The following ATAD2 variants were observed in gnomAD, a reference collection of about 807,000 sequenced individuals.
ATAD2 encodes ATPase family AAA domain-containing protein 2.
Under a neutral mutation model 168.9 loss-of-function variants are expected in ATAD2, and 62 were observed. That is an observed-to-expected ratio of 0.37 (90% CI 0.30 to 0.45). ATAD2 has a LOEUF of 0.45. Ranked by LOEUF, ATAD2 falls within the 20% of genes least tolerant of loss-of-function variation. ATAD2 has a pLI of 1.00. For synonymous variants in ATAD2, 613 were observed against 571.6 expected, an observed-to-expected ratio of 1.07 and a Z score of -1.03; for missense variants, 1,419 against 1,667.8, an observed-to-expected ratio of 0.85 and a Z score of 2.60.
intron 5 of ATAD2, 47 bp from the exon 6 acceptor site, chr8:123,371,037 T>C (rs1829135895): frequency 7.1e-7 from 1 of 1,399,952 alleles, no homozygotes. Flanking sequence ...ATCTATTTAT[T>C]AAAAAAATTA....
chr8:123,356,966 C>T (rs994645081), intron 12 of ATAD2, among the ~76,000 whole-genome samples: 8 of 151,882 alleles, frequency 5.3e-5, no homozygotes, highest in African/African-American at 1.5e-4. Context: ...TTCCTGGACA[C>T]GCAAAAATAT....
chr8:123,373,049 C>T (rs908697075), intron 2 of ATAD2, among the ~76,000 whole-genome samples: 6 of 151,980 alleles, frequency 3.9e-5, no homozygotes, highest in African/African-American at 1.4e-4. Context: ...CCTGTCATCT[C>T]GCCCGGCTAA....
At chr8:123,391,482 T>A (rs1233623312) in intron 1 of ATAD2, among the ~76,000 whole-genome samples, 2 of 118,174 alleles carry the variant, frequency 1.7e-5, no homozygotes, top group Non-Finnish European at 3.3e-5. Flanking sequence ...AATGAGAAGT[T>A]TTGAAAAAAA....
chr8:123,345,144 A>G, intron 18 of ATAD2, 75 bp from the exon 19 acceptor site: 1 of 1,355,746 alleles, frequency 7.4e-7, no homozygotes, highest in Non-Finnish European at 1.0e-6. Flanking sequence ...GTCTGAAACA[A>G]TGTTTAACCT....
chr8:123,356,070 G>A (rs1828633070), intron 13 of ATAD2: 1 of 157,632 alleles, frequency 6.3e-6, no homozygotes, highest in African/African-American at 2.4e-5. Context: ...GGGATTATTA[G>A]GTTTGCACCA....
At chr8:123,413,616 C>A (rs1016245279) in intron 1 of ATAD2, among the ~76,000 whole-genome samples, 3 of 152,172 alleles carry the variant, frequency 2.0e-5, no homozygotes, top group Non-Finnish European at 4.4e-5. Context: ...ACTATTTATA[C>A]TATTCTACCT....
chr8:123,411,394 G>C (rs537893932), intron 1 of ATAD2, among the ~76,000 whole-genome samples: 1 of 152,012 alleles, frequency 6.6e-6, no homozygotes, highest in Non-Finnish European at 1.5e-5. Context: ...AGCAGTCGTC[G>C]GCGAACCTCC....
At chr8:123,337,402 G>C (rs1171878625) in intron 21 of ATAD2, among the ~76,000 whole-genome samples, 1 of 152,098 alleles carries the variant, frequency 6.6e-6, no homozygotes, top group Non-Finnish European at 1.5e-5. Flanking sequence ...ATTACTTCTG[G>C]AATGTTTAGG....
chr8:123,412,750 G>A (rs953980333), intron 1 of ATAD2, among the ~76,000 whole-genome samples: 3 of 152,052 alleles, frequency 2.0e-5, no homozygotes, highest in Admixed American at 6.6e-5. Context: ...TGTTTATTAC[G>A]TAGGGTACTG....
In ATAD2 at chr8:123,348,223, T is replaced by A; in HGVS notation, c.1857A>T (p.Pro619=). Reference sequence around the variant, plus strand: ...CTAGCTCTTCTAAAAATGTGTCCAGTGGTTTGGGATTCCAATCCCTGGTGT... The same window carrying A: ...CTAGCTCTTCTAAAAATGTGTCCAGAGGTTTGGGATTCCAATCCCTGGTGT... The part of the protein sequence containing the change: ...KIHTRDWNPK[P]LDTFLEELAE... The change falls in exon 15 of 28, where the codon CCA becomes CCT. Residue 619 remains proline (P), a synonymous_variant. Transcript: ENST00000287394. The A allele has an allele frequency of 6.2e-7, 1 of 1,602,834 alleles. No individual in the cohort carries two copies. Among genetic ancestry groups the A allele is most frequent in the Non-Finnish European group, 8.5e-7 (1 of 1,177,138 alleles).
intron 22 of ATAD2, among the ~76,000 whole-genome samples, chr8:123,335,435 C>G (rs1282041264): frequency 3.9e-5 from 6 of 152,122 alleles, no homozygotes; most frequent in Admixed American, 3.9e-4. Flanking sequence ...GTTTCCTATA[C>G]TAATCAATCT....
rs1171265903 is a variant in ATAD2, at chr8:123,361,642, T to C, written c.1054A>G (p.Arg352Gly). The part of the protein sequence containing the change: ...SPYCKRMNRR[R>G]HAIHSSDSTS... ...GAGTCACTACTGTGGATTGCATGCC[T>C]TCGCCTAAAGTAAAAAACAAAATTG... The change falls in exon 9 of 28, where the codon AGG (arginine) becomes GGG (glycine). Residue 352 changes from arginine to glycine, a missense_variant. Arg to Gly is a moderately radical substitution (Grantham distance 125). Around this residue, in one of 5 missense-constraint regions of ATAD2, gnomAD observed 146 missense variants for 188.3 expected, o/e 0.78. Transcript: ENST00000287394. 5.0e-6 allele frequency: 8 copies of C among 1,602,452 alleles called. No homozygotes were observed. The highest frequency in any genetic ancestry group is 6.8e-6 in the Non-Finnish European group (8 of 1,170,746).
intron 11 of ATAD2, 114 bp from the exon 12 acceptor site, chr8:123,357,850 C>G: frequency 9.3e-7 from 1 of 1,076,480 alleles, no homozygotes; most frequent in Non-Finnish European, 1.3e-6. Flanking sequence ...ATGTGTAAGA[C>G]AACTGAATTA....
At chr8:123,348,054 AG>A (rs1266565934) in intron 15 of ATAD2, 128 bp downstream of exon 15, 1 of 744,146 alleles carries the variant, frequency 1.3e-6, no homozygotes, top group Non-Finnish European at 2.3e-6. Flanking sequence ...CTGGTGCAAA[AG>A]AAACTGTGGT....
At chr8:123,379,729 T>C (rs1829435137) in intron 2 of ATAD2, among the ~76,000 whole-genome samples, 1 of 149,296 alleles carries the variant, frequency 6.7e-6, no homozygotes, top group Non-Finnish European at 1.5e-5. Context: ...TGCCCAGCTA[T>C]ATTTTTTAAA....
intron 9 of ATAD2, among the ~76,000 whole-genome samples, chr8:123,361,217 T>C (rs1828809714): frequency 6.6e-6 from 1 of 151,164 alleles, no homozygotes; most frequent in Non-Finnish European, 1.5e-5. Flanking sequence ...CTCAGGAGGC[T>C]GAGGCAGGAG....
chr8:123,326,694 C>T (rs1015770020), intron 25 of ATAD2, among the ~76,000 whole-genome samples: 3 of 151,922 alleles, frequency 2.0e-5, no homozygotes, highest in African/African-American at 4.8e-5. Flanking sequence ...AACAAACCAA[C>T]CCAGCCATAT....
rs1426530506 is a variant in ATAD2 at position 123,346,244 on chromosome 8, G to A, written c.2374C>T (p.Arg792Ter). 3 of 1,605,600 alleles carry A rather than the reference G, an allele frequency of 1.9e-6. No individual in the cohort carries two copies. The highest frequency in any genetic ancestry group is 1.7e-6 in the Non-Finnish European group (2 of 1,177,536). The change falls in exon 18 of 28, where the codon CGA becomes TGA. Residue 792 changes from arginine to a stop codon, truncating the protein, a stop_gained. Transcript: ENST00000287394. LOFTEE classifies it high-confidence loss of function. Reference sequence around the variant, plus strand: ...TCTCCTACTATCAATATTCTTGGTCGAAAAGACATAGGTTGGTAACAAGCA... The same window carrying A: ...TCTCCTACTATCAATATTCTTGGTCAAAAAGACATAGGTTGGTAACAAGCA... Reference protein sequence around the residue: ...RNACYQPMSFRPRILIVGEPG... With the variant: ...RNACYQPMSF
chr8:123,337,459 C>T (rs1827950411), intron 21 of ATAD2, among the ~76,000 whole-genome samples, 166 bp downstream of exon 21: 1 of 152,116 alleles, frequency 6.6e-6, no homozygotes, highest in Admixed American at 6.5e-5. Context: ...AATGCGTTAC[C>T]CTGCTCTTAA....
Sources: allele counts gnomAD v4.1 joint callset (sites outside exome capture counted in the v4.1 genomes callset), GRCh38; gene constraint gnomAD v4.1.1; regional missense constraint gnomAD v4.1.1; transcripts MANE v1.5; gene names NCBI Gene and HGNC (gene_info 2026-07-23, HGNC 2026-07-21).